Variants in CYFIP2 observed in about 807,000 individuals in gnomAD.
CYFIP2 encodes cytoplasmic FMR1-interacting protein 2.
Under a neutral mutation model 158.7 loss-of-function variants are expected in CYFIP2, and 29 were observed. That is an observed-to-expected ratio of 0.18 (90% confidence interval 0.14 to 0.25). The LOEUF is 0.25. Ranked by LOEUF, CYFIP2 falls within the 10% of genes least tolerant of loss-of-function variation. The pLI is 1.00. For missense variants in CYFIP2, 852 were observed against 1,639.5 expected, an observed-to-expected ratio of 0.52 and a Z score of 8.29; for synonymous variants, 585 against 617.6, an observed-to-expected ratio of 0.95 and a Z score of 0.78.
intron 26 of CYFIP2, among the ~76,000 whole-genome samples, chr5:157,366,127 T>A (rs768498544): frequency 2.6e-5 from 4 of 152,192 alleles, no homozygotes; most frequent in Non-Finnish European, 4.4e-5. Flanking sequence ...AAACAATTTG[T>A]CCCTCTTTAA....
At chr5:157,341,433 C>A (rs1762248992) in intron 23 of CYFIP2, among the ~76,000 whole-genome samples, 1 of 152,006 alleles carries the variant, frequency 6.6e-6, no homozygotes, top group African/African-American at 2.4e-5. Context: ...CGGCATGCAC[C>A]AGTAGCTACT....
chr5:157,349,382 A>G (rs965452305), intron 23 of CYFIP2, among the ~76,000 whole-genome samples: 3 of 152,158 alleles, frequency 2.0e-5, no homozygotes, highest in African/African-American at 7.2e-5. Flanking sequence ...TTGGTTTTCC[A>G]TTCCCGAGTT....
At chr5:157,376,669 T>G (rs1283560834) in intron 26 of CYFIP2, 2 of 195,518 alleles carry the variant, frequency 1.0e-5, no homozygotes, top group African/African-American at 4.7e-5. Context: ...CACTTTGTGC[T>G]GTTTTTCTCT....
chr5:157,321,442 A>G (rs1055352565), intron 15 of CYFIP2, among the ~76,000 whole-genome samples: 15 of 152,236 alleles, frequency 9.9e-5, no homozygotes, highest in Non-Finnish European at 1.8e-4. Flanking sequence ...TGCCAGCCAG[A>G]GCTTCTGCAC....
intron 26 of CYFIP2, among the ~76,000 whole-genome samples, chr5:157,367,052 T>C (rs958651849): frequency 1.3e-4 from 20 of 152,308 alleles, no homozygotes; most frequent in South Asian, 4.1e-4. Flanking sequence ...TCTTCTCTCC[T>C]TATTAGAGTG....
chr5:157,358,587 G>A lies in CYFIP2; in HGVS notation c.2674-418G>A, dbSNP rs563434149. On this transcript the variant is annotated intron_variant, in intron 23 of 30. Transcript: ENST00000620254. ...ACAGTAGAGGAAAGATGACAATGTT[G>A]AACCAGCTGTTGAGTTTTCACATGG... 2.0e-5 allele frequency among the ~76,000 whole-genome samples: 3 copies of A among 152,318 alleles called. No homozygotes were observed. In the East Asian group the frequency reaches 5.8e-4, roughly 29 times the overall value.
chr5:157,325,430 A>G (rs745986645), intron 16 of CYFIP2, 52 bp from the exon 17 acceptor site: 83 of 1,532,872 alleles, frequency 5.4e-5, no homozygotes, highest in Non-Finnish European at 7.0e-5. Flanking sequence ...AATGAGAACT[A>G]AGGTCTTTTA....
intron 14 of CYFIP2, among the ~76,000 whole-genome samples, chr5:157,320,176 TA>T (rs959896239): frequency 1.3e-5 from 2 of 152,216 alleles, no homozygotes; most frequent in African/African-American, 4.8e-5. Flanking sequence ...TCCTCATTTG[TA>T]AAATGGGGAT....
chr5:157,286,356 A>G (rs909316599), intron 2 of CYFIP2, among the ~76,000 whole-genome samples: 5 of 150,088 alleles, frequency 3.3e-5, no homozygotes, highest in Admixed American at 6.6e-5. Context: ...GTGTGTGTGT[A>G]TATATATGCA....
At chr5:157,301,887 C>T (rs1287190870) in intron 6 of CYFIP2, among the ~76,000 whole-genome samples, 1 of 152,084 alleles carries the variant, frequency 6.6e-6, no homozygotes, top group Admixed American at 6.5e-5. Flanking sequence ...GAGAGACCCT[C>T]CTTGAATGAC....
rs1275022534 is a variant in CYFIP2 at position 157,320,758 on chromosome 5, G to C, written c.1627G>C (p.Asp543His). 6.2e-7 allele frequency: 1 copy of C among 1,611,800 alleles called. No homozygotes were observed. Among genetic ancestry groups the C allele is most frequent in the Non-Finnish European group, 8.5e-7 (1 of 1,178,876 alleles). ...RGEKDPKGGF[D>H]IKVPRRAVGP... is the part of the protein sequence containing the mutation. Reference sequence around the variant, plus strand: ...GGAGAAGGACCCCAAAGGTGGATTTGATATCAAGGTGCCCCGGCGTGCTGT... The same window carrying C: ...GGAGAAGGACCCCAAAGGTGGATTTCATATCAAGGTGCCCCGGCGTGCTGT... Residue 543 changes from aspartate (D) to histidine (H), a missense_variant, in exon 15 of 31, where the codon GAT becomes CAT. By Grantham distance (81) the Asp-to-His change is moderately conservative (BLOSUM62 -1). Transcript: ENST00000620254.
At chr5:157,277,681 T>C (rs1471798548) in intron 1 of CYFIP2, among the ~76,000 whole-genome samples, 2 of 152,240 alleles carry the variant, frequency 1.3e-5, no homozygotes, top group South Asian at 2.1e-4. Context: ...GATTGATTGC[T>C]GGTGGCTTCC....
At chr5:157,319,138 A>G (rs1476053072) in intron 13 of CYFIP2, among the ~76,000 whole-genome samples, 1 of 152,180 alleles carries the variant, frequency 6.6e-6, no homozygotes, top group African/African-American at 2.4e-5. Flanking sequence ...AGGTCAGGCC[A>G]GGCTCCTCTC....
At chr5:157,292,050 A>C (rs1416696933) in intron 3 of CYFIP2, among the ~76,000 whole-genome samples, 1 of 152,002 alleles carries the variant, frequency 6.6e-6, no homozygotes, top group Non-Finnish European at 1.5e-5. Context: ...AGTCAATCCC[A>C]ATTCCTCTCA....
At chr5:157,277,432 G>A (rs1395367376) in intron 1 of CYFIP2, among the ~76,000 whole-genome samples, 1 of 152,192 alleles carries the variant, frequency 6.6e-6, no homozygotes, top group East Asian at 1.9e-4. Context: ...AAAACTAGAA[G>A]TAAGGACATG....
intron 23 of CYFIP2, 113 bp from the exon 24 acceptor site, chr5:157,358,892 G>A: frequency 1.5e-6 from 2 of 1,368,010 alleles, no homozygotes; most frequent in Non-Finnish European, 2.1e-6. Flanking sequence ...GCTCCAGTGA[G>A]CACGCTCGTA....
Position 157,300,708 on chromosome 5 carries a change from C to T in CYFIP2, c.388-7C>T. On this transcript the variant is annotated splice_polypyrimidine_tract_variant and splice_region_variant and intron_variant, in intron 5 of 30. Transcript: ENST00000620254. The stretch of plus-strand genomic sequence containing the variant: ...GTGGACCTTACTCACTGCCCCTCTG[C>T]CCCCAGCGCAAGGCCATCGAGCGGT... The T allele has an allele frequency of 6.3e-7, 1 of 1,574,964 alleles. No individual in the cohort carries two copies. The highest frequency in any genetic ancestry group is 8.6e-7 in the Non-Finnish European group (1 of 1,159,092).
intron 23 of CYFIP2, among the ~76,000 whole-genome samples, chr5:157,353,404 G>A (rs183274329): frequency 6.8e-4 from 104 of 152,282 alleles, no homozygotes; most frequent in South Asian, 1.2e-3. Context: ...AGAAAGGAGC[G>A]TCATTTCTTG....
intron 28 of CYFIP2, among the ~76,000 whole-genome samples, chr5:157,386,383 A>T (rs1043353789): frequency 6.6e-6 from 1 of 151,822 alleles, no homozygotes. Context: ...ATACCTGGAT[A>T]ATTTTTTTTT....
Sources: gnomAD v4.1 joint callset for allele counts (sites outside exome capture counted in the v4.1 genomes callset) on GRCh38, gnomAD v4.1.1 for gene constraint, MANE v1.5 for transcripts, NCBI Gene and HGNC (gene_info 2026-07-23, HGNC 2026-07-21) for gene names.